The following RUVBL2 variants were observed in gnomAD, a reference collection of about 807,000 sequenced individuals.
RUVBL2 encodes ruvB-like 2.
In RUVBL2, 9 loss-of-function variants were observed where a neutral mutation model predicts 57.9. The observed-to-expected ratio is 0.16, with a 90% CI of 0.09 to 0.27. RUVBL2 has a LOEUF of 0.27. Among genes scored for constraint, RUVBL2 ranks in the 10% least tolerant of loss-of-function variants. The probability of loss-of-function intolerance (pLI) is 1.00; values close to 1 mark genes in which losing one functional copy is unlikely to be tolerated. For missense variants in RUVBL2, 456 were observed against 669.6 expected (o/e 0.68, Z 3.52); for synonymous variants, 278 against 264.6 (o/e 1.05, Z -0.49).
upstream of RUVBL2, chr19:48,993,846 G>A (rs1715879219): frequency 1.2e-6 from 2 of 1,604,192 alleles, no homozygotes; most frequent in Admixed American, 3.3e-5. Context: ...TAGCCTAGAG[G>A]AGCCAGAACA....
At chr19:49,000,599 TC>T in intron 2 of RUVBL2, among the ~76,000 whole-genome samples, 1 of 151,522 alleles carries the variant, frequency 6.6e-6, no homozygotes, top group African/African-American at 2.4e-5. Flanking sequence ...GTGCTGTAGC[TC>T]ACGCCTGTAA....
intron 1 of RUVBL2, among the ~76,000 whole-genome samples, chr19:48,996,475 G>C (rs982157455): frequency 1.3e-4 from 19 of 149,492 alleles, no homozygotes; most frequent in Non-Finnish European, 2.2e-4. Context: ...ACAGGTGCGC[G>C]TCACCACGCC....
chr19:49,012,429 T>C (rs968941705), intron 11 of RUVBL2, among the ~76,000 whole-genome samples: 1 of 152,192 alleles, frequency 6.6e-6, no homozygotes, highest in Admixed American at 6.5e-5. Context: ...TCTGGATGGC[T>C]GGACACTGGA....
chr19:49,010,156 C>A, intron 8 of RUVBL2, 90 bp downstream of exon 8: 1 of 1,168,806 alleles, frequency 8.6e-7, no homozygotes, highest in Non-Finnish European at 1.2e-6. Context: ...GGGTCTGGAT[C>A]TTCCTGTTAC....
In RUVBL2 at chr19:49,015,805, T is replaced by C. The variant is rs1250366605; in HGVS notation, c.1367-12T>C. On this transcript the variant is annotated splice_polypyrimidine_tract_variant and intron_variant, in intron 14 of 14. Coordinates refer to ENST00000595090, the MANE Select transcript of RUVBL2 (RefSeq NM_006666.3). Reference sequence around the variant, plus strand: ...GGCGACACTGACCATGTGGCCTTCCTTCTCCCCACAGAAGGCGAGACCATG... The same window carrying C: ...GGCGACACTGACCATGTGGCCTTCCCTCTCCCCACAGAAGGCGAGACCATG... The C allele has an allele frequency of 1.9e-6, 3 of 1,614,092 alleles. No homozygotes were observed. Among genetic ancestry groups the C allele is most frequent in the Admixed American group, 1.7e-5 (1 of 60,022 alleles).
chr19:48,998,539 C>G (rs2039109803), intron 1 of RUVBL2, among the ~76,000 whole-genome samples: 1 of 151,340 alleles, frequency 6.6e-6, no homozygotes, highest in Non-Finnish European at 1.5e-5. Flanking sequence ...AACCCCATCT[C>G]TATTAAAAAT....
At chr19:48,999,890 G>A (rs954588844) in intron 2 of RUVBL2, among the ~76,000 whole-genome samples, 57 of 152,150 alleles carry the variant, frequency 3.7e-4, no homozygotes, top group Admixed American at 6.6e-5. Flanking sequence ...TAAATCACTG[G>A]CCCCGGCTCA....
intron 1 of RUVBL2, among the ~76,000 whole-genome samples, chr19:48,998,512 C>G (rs1413167950): frequency 6.8e-6 from 1 of 147,856 alleles, no homozygotes; most frequent in African/African-American, 2.5e-5. Context: ...CTGGCCAACC[C>G]CAGTAGAGAT....
chr19:49,010,026 C>T lies in RUVBL2; in HGVS notation c.623C>T (p.Ser208Phe). The change falls in exon 8 of 15, where the codon TCC (serine) becomes TTC (phenylalanine). Residue 208 changes from serine to phenylalanine, a missense_variant. Around this residue, in one of 5 missense-constraint regions of RUVBL2, gnomAD observed 233 missense variants for 306.0 expected, o/e 0.76. Coordinates refer to ENST00000595090, the MANE Select transcript of RUVBL2 (RefSeq NM_006666.3). ...GGCAAGATCTCCAAGCTGGGCCGCT[C>T]CTTCACACGCGCCCGCGACTACGAC... ...ATGKISKLGRSFTRARDYDAM... is the reference protein window; with the variant it reads ...ATGKISKLGRFFTRARDYDAM... The T allele has an allele frequency of 6.3e-7, 1 of 1,593,268 alleles. No homozygotes were observed. Among genetic ancestry groups the T allele is most frequent in the Non-Finnish European group, 8.6e-7 (1 of 1,168,442 alleles).
At chr19:49,008,775 C>G (rs939349347) in intron 6 of RUVBL2, among the ~76,000 whole-genome samples, 1 of 151,568 alleles carries the variant, frequency 6.6e-6, no homozygotes. Context: ...GTCAGGAGTT[C>G]AAGACCAGCC....
At position 49,011,793 on chromosome 19, in the gene RUVBL2, A is replaced by G. The variant is rs78359498; in HGVS notation, c.1001+483A>G. Among the ~76,000 whole-genome samples the G allele has an allele frequency of 4.7e-3, 546 of 117,054 alleles. 1 individual carries two copies. Among genetic ancestry groups the G allele is most frequent in the Admixed American group, 8.4e-3 (81 of 9,682 alleles). The allele number at this position is 117,054 out of a possible 152,430, so 76.8% of individuals were successfully genotyped here. On this transcript the variant is annotated intron_variant, in intron 11 of 14. Transcript: ENST00000595090. This position sits in a 1 kb window ranked among gnomAD's most constrained non-coding sequence, Gnocchi z 4.4. ...TGCTCTGCTGAAGCCTGGGAACCTC[A>G]TCTCCCAGGTGTTGCCAGCACCCTG...
At chr19:48,998,750 G>C (rs1245772597) in intron 1 of RUVBL2, among the ~76,000 whole-genome samples, 2 of 150,262 alleles carry the variant, frequency 1.3e-5, no homozygotes, top group Non-Finnish European at 3.0e-5. Flanking sequence ...GGACTTAGCC[G>C]GGCACAGTGG....
At position 49,010,095 on chromosome 19, in the gene RUVBL2, G is replaced by T. The variant is rs144604206; in HGVS notation, c.663+29G>T. The T allele has an allele frequency of 2.5e-6, 4 of 1,595,754 alleles. No homozygotes were observed. The East Asian group carries it at 6.7e-5, about 27-fold the overall frequency. ...CGGCCGGGACTCCCGGGATCCCCTC[G>T]CCCCCAGCACTGGGGTGTTTTCATC... is the stretch of plus-strand genomic sequence containing the variant. On this transcript the variant is annotated intron_variant, in intron 8 of 14. Coordinates refer to ENST00000595090, the MANE Select transcript of RUVBL2 (RefSeq NM_006666.3).
At chr19:48,993,781 C>A, upstream of RUVBL2, 1 of 1,249,288 alleles carries the variant, frequency 8.0e-7, no homozygotes, top group Non-Finnish European at 1.2e-6. Context: ...TCCCGCCACG[C>A]CCCCACAATA....
At chr19:48,994,112 T>C (rs2039003946) in intron 1 of RUVBL2, 189 bp downstream of exon 1, 2 of 142,190 alleles carry the variant, frequency 1.4e-5, no homozygotes, top group Non-Finnish European at 1.3e-5. Flanking sequence ...GCTGGACTTC[T>C]GGATCTGAGG....
chr19:49,002,833 C>A (rs2039210745), intron 2 of RUVBL2, among the ~76,000 whole-genome samples: 1 of 152,162 alleles, frequency 6.6e-6, no homozygotes, highest in Non-Finnish European at 1.5e-5. Flanking sequence ...GATCCGCCCG[C>A]CTCGGCCTCC....
intron 1 of RUVBL2, among the ~76,000 whole-genome samples, chr19:48,999,108 C>T (rs1308755615): frequency 1.3e-5 from 2 of 152,136 alleles, no homozygotes; most frequent in East Asian, 3.9e-4. Context: ...ACCAAGCTGT[C>T]GATGAGACAG....
chr19:49,013,504 G>A (rs1020183574), intron 11 of RUVBL2, among the ~76,000 whole-genome samples: 11 of 152,100 alleles, frequency 7.2e-5, no homozygotes, highest in African/African-American at 2.7e-4. Context: ...GAAGCCTGAC[G>A]GAGAAAATGC....
chr19:49,006,290 G>A lies in RUVBL2; in HGVS notation c.266-728G>A, dbSNP rs532820720. ...GCCCCACATTGGACCAAACCTTGTG[G>A]CCAGGGAACTGGAAGGAAAGGTCTG... On this transcript the variant is annotated intron_variant, in intron 4 of 14. Transcript: ENST00000595090. 8.5e-5 allele frequency among the ~76,000 whole-genome samples: 13 copies of A among 152,376 alleles called. No homozygotes were observed. In the South Asian group the frequency reaches 2.7e-3, roughly 32 times the overall value.
Sources: gnomAD v4.1 joint callset for allele counts (sites outside exome capture counted in the v4.1 genomes callset) on GRCh38, gnomAD v4.1.1 for gene constraint, gnomAD v4.1.1 regional missense constraint, Gnocchi (gnomAD v3.1) non-coding constraint, MANE v1.5 for transcripts, NCBI Gene and HGNC (gene_info 2026-07-23, HGNC 2026-07-21) for gene names.